The following ARHGAP8 variants were observed in gnomAD, a reference collection of about 807,000 sequenced individuals.
ARHGAP8 encodes the protein rho GTPase-activating protein 8.
ARHGAP8 carries 62 observed loss-of-function variants against 46.1 expected under a neutral mutation model. That is an observed-to-expected ratio of 1.34 (90% confidence interval 1.10 to 1.66). The LOEUF is 1.66. Among genes scored for constraint, ARHGAP8 ranks in the 40% most tolerant of loss-of-function variants. The pLI is 0.00. For synonymous variants in ARHGAP8, 375 were observed against 243.1 expected (o/e 1.54, Z -5.05); for missense variants, 923 against 568.4 (o/e 1.62, Z -6.34).
At chr22:44,795,874 C>T (rs115301846) in intron 2 of ARHGAP8, among the ~76,000 whole-genome samples, 6,009 of 152,196 alleles carry the variant, frequency 0.039, 195 homozygotes, top group East Asian at 0.13. Flanking sequence ...CAGGTGGCAC[C>T]GCAGCCCCAC....
chr22:44,844,484 A>G (rs1345547839), intron 7 of ARHGAP8, among the ~76,000 whole-genome samples: 2 of 151,982 alleles, frequency 1.3e-5, no homozygotes, highest in African/African-American at 2.4e-5. Flanking sequence ...TTTTTTTGAG[A>G]TGGAGTCTCC....
chr22:44,759,502 A>G (rs1924957723), intron 1 of ARHGAP8, among the ~76,000 whole-genome samples: 1 of 152,198 alleles, frequency 6.6e-6, no homozygotes, highest in Admixed American at 6.5e-5. Flanking sequence ...GTCTGGGGAT[A>G]GTATGGAGAT....
chr22:44,808,307 G>C lies in ARHGAP8; in HGVS notation c.168G>C (p.Glu56Asp). 6.2e-7 allele frequency: 1 copy of C among 1,612,270 alleles called. No homozygotes were observed. The highest frequency in any genetic ancestry group is 8.5e-7 in the Non-Finnish European group (1 of 1,178,864). The change falls in exon 4 of 12, where the codon GAG (glutamate) becomes GAC (aspartate). Residue 56 changes from glutamate to aspartate, a missense_variant and splice_region_variant. Glu to Asp is a conservative substitution (Grantham distance 45). Coordinates refer to ENST00000356099, the MANE Select transcript of ARHGAP8 (RefSeq NM_181335.3). ...ACTGAATCTTCTGTGTTGTGCCCAG[G>C]TATTTGAAGTACACACTGGACCAAT... is the stretch of plus-strand genomic sequence containing the variant. ...SHELDHQRLL[E>D]YLKYTLDQYV... is the part of the protein sequence containing the mutation.
chr22:44,854,670 G>C (rs945279604), intron 10 of ARHGAP8, among the ~76,000 whole-genome samples: 1 of 152,032 alleles, frequency 6.6e-6, no homozygotes, highest in Admixed American at 6.5e-5. Context: ...ATGGAGTCTC[G>C]CTCTGTTGCC....
chr22:44,755,102 G>T (rs904207777), intron 1 of ARHGAP8, among the ~76,000 whole-genome samples: 1 of 152,224 alleles, frequency 6.6e-6, no homozygotes, highest in African/African-American at 2.4e-5. Context: ...CTGACTCCTT[G>T]CTCACATCAG....
chr22:44,796,832 T>C (rs767802332), intron 2 of ARHGAP8, among the ~76,000 whole-genome samples: 2 of 152,194 alleles, frequency 1.3e-5, no homozygotes, highest in Non-Finnish European at 2.9e-5. Flanking sequence ...TAGCAAATTA[T>C]CAAATGTGAA....
chr22:44,818,500 G>C (rs1929908993), intron 5 of ARHGAP8, among the ~76,000 whole-genome samples: 3 of 150,144 alleles, frequency 2.0e-5, no homozygotes, highest in Non-Finnish European at 4.4e-5. Context: ...GTGGCAGCGT[G>C]ATGGTGATGG....
intron 11 of ARHGAP8, among the ~76,000 whole-genome samples, chr22:44,861,741 CCA>C (rs1172976660): frequency 2.6e-5 from 4 of 152,136 alleles, no homozygotes; most frequent in Non-Finnish European, 5.9e-5. Flanking sequence ...CTTCCAGGCC[CCA>C]GATTCCTCAT....
At chr22:44,762,841 G>A (rs1357666230) in intron 1 of ARHGAP8, among the ~76,000 whole-genome samples, 1 of 152,098 alleles carries the variant, frequency 6.6e-6, no homozygotes, top group African/African-American at 2.4e-5. Flanking sequence ...ACCGTTCCCA[G>A]CGATTATGAG....
intron 10 of ARHGAP8, among the ~76,000 whole-genome samples, chr22:44,858,719 G>A (rs1184419664): frequency 6.8e-6 from 1 of 146,746 alleles, no homozygotes; most frequent in Non-Finnish European, 1.5e-5. Flanking sequence ...TGGTAGATGT[G>A]GTTATAAGGG....
intron 1 of ARHGAP8, among the ~76,000 whole-genome samples, chr22:44,756,985 A>G (rs1382442194): frequency 6.6e-6 from 1 of 152,136 alleles, no homozygotes; most frequent in African/African-American, 2.4e-5. Context: ...GTGTGATTAT[A>G]GCTCACTGCG....
chr22:44,850,500 A>G (rs1014407169), intron 10 of ARHGAP8: 7 of 152,178 alleles, frequency 4.6e-5, no homozygotes, highest in Admixed American at 1.3e-4. Context: ...AGCTTCCAGA[A>G]GCCTCCCAAC....
At chr22:44,847,908 A>G (rs1170768121) in intron 8 of ARHGAP8, 65 bp from the exon 9 acceptor site, 6 of 1,592,938 alleles carry the variant, frequency 3.8e-6, no homozygotes, top group Non-Finnish European at 5.1e-6. Context: ...GGGGAGTGTC[A>G]TATAATGTCC....
chr22:44,769,049 G>C (rs1925811415), intron 1 of ARHGAP8, among the ~76,000 whole-genome samples: 1 of 152,116 alleles, frequency 6.6e-6, no homozygotes, highest in African/African-American at 2.4e-5. Flanking sequence ...TGGCCAGGCT[G>C]GTCTTGAACT....
chr22:44,789,160 G>GT (rs1051797499), intron 2 of ARHGAP8, among the ~76,000 whole-genome samples: 5 of 151,780 alleles, frequency 3.3e-5, no homozygotes, highest in Non-Finnish European at 7.4e-5. Flanking sequence ...TTTGTTTTTT[G>GT]TTTTTTTGGA....
chr22:44,846,399 A>G (rs1301638115), intron 8 of ARHGAP8, among the ~76,000 whole-genome samples: 1 of 152,160 alleles, frequency 6.6e-6, no homozygotes, highest in African/African-American at 2.4e-5. Context: ...TGCCCAGGAA[A>G]TGTGCTTTGG....
Position 44,861,614 on chromosome 22 carries a change from C to T in ARHGAP8, c.982-661C>T, listed in dbSNP as rs118092758. Among the ~76,000 whole-genome samples, 169 of 152,284 alleles carry T rather than the reference C, an allele frequency of 1.1e-3. 1 individual carries two copies. The Middle Eastern group carries it at 0.014, about 12-fold the overall frequency. On this transcript the variant is annotated intron_variant, in intron 11 of 11. Transcript: ENST00000356099. ...TGACCCCTGTTTCTGACTGAGGTTC[C>T]CCCCAGCTTGAATCTTGTAGGGAGG...
intron 1 of ARHGAP8, among the ~76,000 whole-genome samples, chr22:44,759,342 G>T (rs1237632697): frequency 6.6e-6 from 1 of 152,184 alleles, no homozygotes; most frequent in African/African-American, 2.4e-5. Flanking sequence ...GGACCTGGGG[G>T]CTGCCAGAGC....
At chr22:44,763,075 A>G (rs132456) in intron 1 of ARHGAP8, among the ~76,000 whole-genome samples, 136,525 of 152,178 alleles carry the variant, frequency 0.9, 61,394 homozygotes, top group African/African-American at 0.95. Context: ...CTTGGGTCCA[A>G]ATTGTGAAAC....
Sources: gnomAD v4.1 joint callset for allele counts (sites outside exome capture counted in the v4.1 genomes callset) on GRCh38, gnomAD v4.1.1 for gene constraint, MANE v1.5 for transcripts, NCBI Gene and HGNC (gene_info 2026-07-23, HGNC 2026-07-21) for gene names.